SNTB1: variants seen among roughly 807,000 people sequenced by gnomAD.
SNTB1 encodes the protein beta-1-syntrophin.
A neutral mutation model predicts 48.9 loss-of-function variants in SNTB1; 36 were observed. The observed-to-expected ratio is 0.74, with a 90% CI of 0.56 to 0.97. The LOEUF (loss-of-function observed/expected upper bound fraction) is 0.97, where lower values mean the gene tolerates loss of function less well. Ranked by LOEUF, SNTB1 falls within the 50% of genes least tolerant of loss-of-function variation. The pLI is 0.00. For synonymous variants in SNTB1, 299 were observed against 294.6 expected (o/e 1.01, Z -0.15); for missense variants, 786 against 703.4 (o/e 1.12, Z -1.33).
chr8:120,719,489 T>G (rs981971840), intron 1 of SNTB1, among the ~76,000 whole-genome samples: 2 of 152,160 alleles, frequency 1.3e-5, no homozygotes, highest in African/African-American at 4.8e-5. Flanking sequence ...ACACTCCTAG[T>G]TTCTTAGAAG....
intron 1 of SNTB1, among the ~76,000 whole-genome samples, chr8:120,726,289 A>G (rs1435491637): frequency 6.6e-6 from 1 of 152,190 alleles, no homozygotes; most frequent in Non-Finnish European, 1.5e-5. Context: ...TATCTTCTCC[A>G]GTTTCCTAGA....
intron 1 of SNTB1, among the ~76,000 whole-genome samples, chr8:120,742,890 A>C (rs1819064663): frequency 6.6e-6 from 1 of 152,200 alleles, no homozygotes; most frequent in African/African-American, 2.4e-5. Context: ...AGTGTTGGTG[A>C]GGAACAAGTG....
intron 1 of SNTB1, among the ~76,000 whole-genome samples, chr8:120,710,469 T>C (rs1750961345): frequency 6.6e-6 from 1 of 152,172 alleles, no homozygotes; most frequent in Admixed American, 6.5e-5. Flanking sequence ...TGCTATTAAA[T>C]TAGGTAACAC....
intron 1 of SNTB1, among the ~76,000 whole-genome samples, chr8:120,778,170 G>A (rs1161494708): frequency 6.6e-6 from 1 of 152,162 alleles, no homozygotes; most frequent in Non-Finnish European, 1.5e-5. Context: ...AAAACACAAA[G>A]TCATTAAGTT....
chr8:120,760,297 CAAAA>C (rs77673399), intron 1 of SNTB1, among the ~76,000 whole-genome samples: 1 of 69,224 alleles, frequency 1.4e-5, no homozygotes. Flanking sequence ...AGAAACAAGC[CAAAA>C]AAAAAAAAAA....
chr8:120,740,257 T>C (rs1315220030), intron 1 of SNTB1, among the ~76,000 whole-genome samples: 6 of 152,202 alleles, frequency 3.9e-5, no homozygotes, highest in African/African-American at 1.2e-4. Flanking sequence ...ACTTGGCACA[T>C]GTTATATTTT....
chr8:120,717,786 T>G (rs1407462803), intron 1 of SNTB1, among the ~76,000 whole-genome samples: 2 of 152,256 alleles, frequency 1.3e-5, no homozygotes, highest in South Asian at 4.1e-4. Flanking sequence ...AGAAGCTGTT[T>G]GTTCAGTCCC....
chr8:120,789,520 A>G lies in SNTB1; in HGVS notation c.571+21753T>C, dbSNP rs183132762. Among the ~76,000 whole-genome samples the G allele has an allele frequency of 7.3e-4, 111 of 152,118 alleles. 1 individual carries two copies. Among genetic ancestry groups the G allele is most frequent in the Admixed American group, 3.0e-3 (46 of 15,270 alleles). ...TTAACCAAGAAGAGAAGAAATTCAG[A>G]TAAACTCAATTAGAAGGGAAAATGG... is the stretch of plus-strand genomic sequence containing the variant. On this transcript the variant is annotated intron_variant, in intron 1 of 6. Transcript: ENST00000517992.
At chr8:120,637,941 C>A (rs1817110377) in intron 2 of SNTB1, 2 of 217,912 alleles carry the variant, frequency 9.2e-6, no homozygotes, top group South Asian at 1.7e-4. Flanking sequence ...CTTCAATACG[C>A]TTAACTTTTA....
chr8:120,643,731 T>C (rs1817234922), intron 2 of SNTB1, among the ~76,000 whole-genome samples: 1 of 152,210 alleles, frequency 6.6e-6, no homozygotes, highest in Admixed American at 6.5e-5. Context: ...AACATGAATG[T>C]GAAAGTGTCT....
At chr8:120,572,111 T>C (rs1815865174) in intron 4 of SNTB1, among the ~76,000 whole-genome samples, 1 of 152,160 alleles carries the variant, frequency 6.6e-6, no homozygotes, top group Non-Finnish European at 1.5e-5. Flanking sequence ...TTGTGTTAAT[T>C]CTTGCTCTGC....
rs75107681 is a variant in SNTB1, at chr8:120,752,516, C to T, written c.572-58608G>A. Among the ~76,000 whole-genome samples the T allele has an allele frequency of 8.1e-3, 1,239 of 152,120 alleles. 12 individuals carry two copies. Among genetic ancestry groups the T allele is most frequent in the Middle Eastern group, 0.027 (8 of 294 alleles). ...ACTATGTTCATTGTAGCACCATTCA[C>T]AGTAACAAAGAAATGAAATCAACCT... On this transcript the variant is annotated intron_variant, in intron 1 of 6. Coordinates refer to ENST00000517992, the MANE Select transcript of SNTB1 (RefSeq NM_021021.4).
chr8:120,594,130 C>G (rs1249336231), intron 3 of SNTB1, among the ~76,000 whole-genome samples: 1 of 151,874 alleles, frequency 6.6e-6, no homozygotes, highest in East Asian at 1.9e-4. Context: ...GTGGTGCAAT[C>G]ATGGGTCACT....
intron 3 of SNTB1, among the ~76,000 whole-genome samples, 154 bp downstream of exon 3, chr8:120,632,290 A>G (rs1816994628): frequency 6.6e-6 from 1 of 152,210 alleles, no homozygotes; most frequent in African/African-American, 2.4e-5. Context: ...CCCATGTATA[A>G]TGTAAAGGCC....
chr8:120,722,657 A>C (rs1049905187), intron 1 of SNTB1, among the ~76,000 whole-genome samples: 1 of 152,068 alleles, frequency 6.6e-6, no homozygotes, highest in African/African-American at 2.4e-5. Flanking sequence ...TTGTCAGATG[A>C]GTAGATTGCA....
chr8:120,786,242 A>C (rs1286613529), intron 1 of SNTB1, among the ~76,000 whole-genome samples: 1 of 152,198 alleles, frequency 6.6e-6, no homozygotes, highest in Non-Finnish European at 1.5e-5. Flanking sequence ...CTCCTAGGGA[A>C]GAAGGCATGC....
chr8:120,653,989 C>G lies in SNTB1; in HGVS notation c.789-21338G>C, dbSNP rs1018659808. Among the ~76,000 whole-genome samples, 6 of 128,042 alleles carry G rather than the reference C, an allele frequency of 4.7e-5. No homozygotes were observed. In the Admixed American group the frequency reaches 5.0e-4, roughly 11 times the overall value. The allele number at this position is 128,042 out of a possible 152,430, so 84.0% of individuals were successfully genotyped here. A position where few individuals can be genotyped will look rare whatever the true frequency, so the allele number is the denominator to read the frequency against. ...CGGAAAGCGGAGCTTGCAGTGAGCC[C>G]AGATGGCGCCACTGCACTCCAGCCT... On this transcript the variant is annotated intron_variant, in intron 2 of 6. Transcript: ENST00000517992.
At chr8:120,767,148 G>T (rs531073145) in intron 1 of SNTB1, among the ~76,000 whole-genome samples, 2 of 152,230 alleles carry the variant, frequency 1.3e-5, no homozygotes, top group East Asian at 3.9e-4. Flanking sequence ...TGTGTATGGT[G>T]AATTTCAGTT....
At chr8:120,739,327 A>G (rs1235282550) in intron 1 of SNTB1, among the ~76,000 whole-genome samples, 1 of 152,198 alleles carries the variant, frequency 6.6e-6, no homozygotes, top group Non-Finnish European at 1.5e-5. Flanking sequence ...AAAGAAAATT[A>G]TTTGAGCCTT....
Sources: allele counts gnomAD v4.1 joint callset (sites outside exome capture counted in the v4.1 genomes callset), GRCh38; gene constraint gnomAD v4.1.1; transcripts MANE v1.5; gene names NCBI Gene and HGNC (gene_info 2026-07-23, HGNC 2026-07-21).